C10orf67: variants seen among roughly 807,000 people sequenced by gnomAD.
C10orf67 encodes uncharacterized protein C10orf67, mitochondrial.
Under a neutral mutation model 35.6 loss-of-function variants are expected in C10orf67, and 60 were observed. The ratio of observed to expected loss-of-function variants is 1.68; its 90% CI spans 1.37 to 2.09. The LOEUF (loss-of-function observed/expected upper bound fraction) is 2.09. Ranked by LOEUF, C10orf67 falls within the 30% of genes most tolerant of loss-of-function variation. The pLI is 0.00. For synonymous variants in C10orf67, 167 were observed against 115.8 expected (o/e 1.44, Z -2.84); for missense variants, 474 against 330.2 (o/e 1.44, Z -3.38).
intron 12 of C10orf67, among the ~76,000 whole-genome samples, chr10:23,249,543 G>GT (rs1402775752): frequency 6.6e-6 from 1 of 152,210 alleles, no homozygotes; most frequent in Admixed American, 6.5e-5. Flanking sequence ...TGAATCCTCT[G>GT]TTTTTTCTGT....
intron 15 of C10orf67, among the ~76,000 whole-genome samples, chr10:23,211,755 A>G (rs1033851335): frequency 2.0e-5 from 3 of 152,224 alleles, no homozygotes; most frequent in Non-Finnish European, 2.9e-5. Context: ...GAACATGAAG[A>G]GAACTGATTT....
At chr10:23,214,338 G>C (rs775817078) in intron 15 of C10orf67, among the ~76,000 whole-genome samples, 11 of 151,940 alleles carry the variant, frequency 7.2e-5, no homozygotes, top group Non-Finnish European at 1.3e-4. Flanking sequence ...AAGGTTACAA[G>C]GAAATTAGGA....
intron 2 of C10orf67, among the ~76,000 whole-genome samples, chr10:23,330,571 T>C (rs1588704054): frequency 6.6e-6 from 1 of 152,042 alleles, no homozygotes; most frequent in Non-Finnish European, 1.5e-5. Flanking sequence ...AAACCCTGTC[T>C]CTACTAAAAA....
intron 8 of C10orf67, among the ~76,000 whole-genome samples, chr10:23,268,744 G>T (rs1842945950): frequency 6.6e-6 from 1 of 152,234 alleles, no homozygotes; most frequent in Non-Finnish European, 1.5e-5. Flanking sequence ...ATACATTAGA[G>T]TGTACTTACA....
intron 4 of C10orf67, among the ~76,000 whole-genome samples, chr10:23,311,434 G>A (rs754563873): frequency 5.9e-5 from 9 of 152,150 alleles, no homozygotes; most frequent in Non-Finnish European, 1.3e-4. Flanking sequence ...GCTTGGGGCC[G>A]GGCACGGTGG....
intron 5 of C10orf67, among the ~76,000 whole-genome samples, chr10:23,302,099 T>C (rs1844099403): frequency 1.3e-5 from 2 of 151,956 alleles, no homozygotes; most frequent in South Asian, 2.1e-4. Context: ...CAAGATTTAA[T>C]AGAGTGAAAT....
intron 5 of C10orf67, among the ~76,000 whole-genome samples, chr10:23,294,126 G>A (rs946755526): frequency 1.3e-5 from 2 of 152,180 alleles, no homozygotes; most frequent in Non-Finnish European, 2.9e-5. Flanking sequence ...GACAGTCACA[G>A]AGAAGAGCAG....
At chr10:23,202,328 C>T (rs944758951), downstream of C10orf67, 2 of 152,224 alleles carry the variant, frequency 1.3e-5, no homozygotes, top group Non-Finnish European at 2.9e-5. Context: ...AATGCTAAAG[C>T]ATGCGTCATT....
intron 8 of C10orf67, among the ~76,000 whole-genome samples, chr10:23,270,409 GC>G (rs1157238610): frequency 1.3e-5 from 2 of 152,184 alleles, no homozygotes; most frequent in Non-Finnish European, 2.9e-5. Flanking sequence ...TACCACCAGG[GC>G]CCTGGGTCTG....
At chr10:23,343,974 C>A in intron 1 of C10orf67, 2 of 459,960 alleles carry the variant, frequency 4.3e-6, no homozygotes, top group Non-Finnish European at 9.0e-6. Flanking sequence ...CCTCCTCTGT[C>A]TCAGGCGAGT....
At position 23,265,261 on chromosome 10, in the gene C10orf67, T is replaced by C. The variant is rs187359977; in HGVS notation, c.1200+1001A>G. Among the ~76,000 whole-genome samples the C allele has an allele frequency of 4.7e-3, 715 of 152,372 alleles. 5 individuals are homozygous for C. Among genetic ancestry groups the C allele is most frequent in the African/African-American group, 0.017 (687 of 41,588 alleles). ...TGGATATGAGGAGTGGTCCATCTCC[T>C]GGAGAGTGGGCACGAGAGGTCTGCA... On this transcript the variant is annotated intron_variant, in intron 10 of 15. Transcript: ENST00000636213.
intron 10 of C10orf67, among the ~76,000 whole-genome samples, chr10:23,254,068 C>G (rs1842536826): frequency 6.6e-6 from 1 of 152,178 alleles, no homozygotes. Flanking sequence ...ACTTCATTGA[C>G]AGGTGCAAAC....
intron 12 of C10orf67, among the ~76,000 whole-genome samples, chr10:23,247,957 G>T (rs2132152786): frequency 6.6e-6 from 1 of 152,292 alleles, no homozygotes; most frequent in East Asian, 1.9e-4. Flanking sequence ...AGGGTTCCAA[G>T]GTGAGGGGAC....
chr10:23,255,629 A>C (rs1842578733), intron 10 of C10orf67, among the ~76,000 whole-genome samples: 1 of 152,194 alleles, frequency 6.6e-6, no homozygotes, highest in Non-Finnish European at 1.5e-5. Flanking sequence ...TTCACTCCAA[A>C]AACTTGTGAC....
chr10:23,296,675 G>A (rs899388612), intron 5 of C10orf67, among the ~76,000 whole-genome samples: 6 of 152,204 alleles, frequency 3.9e-5, no homozygotes, highest in African/African-American at 1.4e-4. Context: ...TAACATCGGA[G>A]CATGGGCTAG....
chr10:23,308,102 T>C (rs1391566406), intron 4 of C10orf67, among the ~76,000 whole-genome samples: 1 of 152,176 alleles, frequency 6.6e-6, no homozygotes, highest in East Asian at 1.9e-4. Flanking sequence ...TTCACTGTCA[T>C]CCTTTCTGCG....
At chr10:23,328,340 G>A (rs1564516578) in intron 2 of C10orf67, among the ~76,000 whole-genome samples, 1 of 152,058 alleles carries the variant, frequency 6.6e-6, no homozygotes, top group South Asian at 2.1e-4. Context: ...ATACAGTTAC[G>A]GCCAAAGAAA....
At position 23,313,911 on chromosome 10, in the gene C10orf67, C is replaced by A. The variant is rs186092111; in HGVS notation, c.546+6830G>T. On this transcript the variant is annotated intron_variant, in intron 4 of 15. Coordinates refer to ENST00000636213, the MANE Select transcript of C10orf67 (RefSeq NM_001371909.1). ...ACGACCACCCAGATGACTGGGCAGA[C>A]GATGGACTTAATGAAGACCAAAAGG... 2.0e-4 allele frequency among the ~76,000 whole-genome samples: 30 copies of A among 152,060 alleles called. No individual in the cohort carries two copies. The South Asian group carries it at 4.8e-3, about 24-fold the overall frequency.
chr10:23,254,765 A>T (rs1842556255), intron 10 of C10orf67, among the ~76,000 whole-genome samples: 1 of 152,150 alleles, frequency 6.6e-6, no homozygotes, highest in Admixed American at 6.6e-5. Context: ...CTGCCGTAAG[A>T]TTAACTACAT....
Sources: allele counts gnomAD v4.1 joint callset (sites outside exome capture counted in the v4.1 genomes callset), GRCh38; gene constraint gnomAD v4.1.1; transcripts MANE v1.5; gene names NCBI Gene and HGNC (gene_info 2026-07-23, HGNC 2026-07-21).